The following CSMD1 variants were observed in gnomAD, a reference collection of about 807,000 sequenced individuals.
The protein encoded by CSMD1 is CUB and sushi domain-containing protein 1.
CSMD1 carries 213 observed loss-of-function variants against 417.5 expected under a neutral mutation model. That is an observed-to-expected ratio of 0.51 (90% CI 0.46 to 0.57). The LOEUF (loss-of-function observed/expected upper bound fraction) is 0.57. Ranked by LOEUF, CSMD1 falls within the 20% of genes least tolerant of loss-of-function variation. The pLI, the probability that CSMD1 is intolerant of heterozygous loss-of-function variation, is 0.00. For missense variants in CSMD1, 6,923 were observed against 4,529.7 expected (o/e 1.53, Z -15.17); for synonymous variants, 2,862 against 1,736.8 (o/e 1.65, Z -16.11).
chr8:4,344,001 C>T (rs897834125), intron 3 of CSMD1, among the ~76,000 whole-genome samples: 3 of 152,116 alleles, frequency 2.0e-5, no homozygotes, highest in Admixed American at 6.5e-5. Context: ...AATAATACCA[C>T]AAGCACTGTG....
intron 3 of CSMD1, among the ~76,000 whole-genome samples, chr8:4,082,813 G>A (rs558488634): frequency 7.7e-6 from 1 of 130,514 alleles, no homozygotes; most frequent in Non-Finnish European, 1.5e-5. Context: ...CCTTTCCTGT[G>A]TCCATGCATT....
At chr8:3,878,501 C>G (rs139048217) in intron 5 of CSMD1, among the ~76,000 whole-genome samples, 110 of 151,990 alleles carry the variant, frequency 7.2e-4, no homozygotes, top group Non-Finnish European at 1.3e-3. Context: ...CACAAGCTAG[C>G]TTTTTAATAT....
At chr8:4,530,146 C>T (rs1383957248) in intron 2 of CSMD1, among the ~76,000 whole-genome samples, 2 of 151,848 alleles carry the variant, frequency 1.3e-5, no homozygotes, top group Non-Finnish European at 2.9e-5. Flanking sequence ...ATCTCCTGAC[C>T]TTGTGATCTG....
chr8:2,978,576 G>A (rs1175475339), intron 55 of CSMD1, 36 bp downstream of exon 55: 1 of 1,509,748 alleles, frequency 6.6e-7, no homozygotes, highest in Non-Finnish European at 8.9e-7. Context: ...CCTTGCAGGG[G>A]TCTCTGCACA....
intron 60 of CSMD1, 55 bp downstream of exon 60, chr8:2,963,167 T>A (rs1425214657): frequency 1.9e-6 from 3 of 1,583,548 alleles, no homozygotes; most frequent in Non-Finnish European, 1.7e-6. Flanking sequence ...GCCCTGGTTA[T>A]CCGTCCCTGT....
intron 3 of CSMD1, among the ~76,000 whole-genome samples, chr8:4,133,953 T>A (rs1294388748): frequency 1.3e-5 from 2 of 152,182 alleles, no homozygotes; most frequent in African/African-American, 4.8e-5. Context: ...TTTCAGGTCA[T>A]GCAAACAAAC....
At chr8:4,614,315 A>G (rs1008101675) in intron 2 of CSMD1, among the ~76,000 whole-genome samples, 2 of 152,180 alleles carry the variant, frequency 1.3e-5, no homozygotes, top group African/African-American at 4.8e-5. Flanking sequence ...AACTCTGTAG[A>G]AAATCCTGTC....
At chr8:4,633,593 G>C (rs549038791) in intron 2 of CSMD1, among the ~76,000 whole-genome samples, 2 of 151,702 alleles carry the variant, frequency 1.3e-5, no homozygotes, top group Admixed American at 1.3e-4. Context: ...GTCTACCTCT[G>C]TCACCCAGGC....
intron 4 of CSMD1, among the ~76,000 whole-genome samples, chr8:4,025,166 G>A (rs918131998): frequency 6.6e-6 from 1 of 152,242 alleles, no homozygotes; most frequent in Non-Finnish European, 1.5e-5. Context: ...GAGCTCCTGT[G>A]AAGAAATGCA....
In CSMD1 at chr8:4,571,060, G is replaced by A. The variant is rs1456405336; in HGVS notation, c.302+66282C>T. Among the ~76,000 whole-genome samples the A allele has an allele frequency of 3.9e-5, 6 of 152,088 alleles. No homozygotes were observed. The East Asian group carries it at 1.2e-3, about 29-fold the overall frequency. On this transcript the variant is annotated intron_variant, in intron 2 of 69. Transcript: ENST00000635120. ...TTCTTCTTTATTAGTCTGGCTAGCA[G>A]TCTATCAATTTGTTAATCATTTCAG...
chr8:2,978,631 T>C lies in CSMD1; in HGVS notation c.8547A>G (p.Arg2849=). Reference sequence around the variant, plus strand: ...ACTTACCCAAACACTTGGGCAGGGATCGGTCCCATAAGCCATTTGCCATAC... The same window carrying C: ...ACTTACCCAAACACTTGGGCAGGGACCGGTCCCATAAGCCATTTGCCATAC... ...LTCMANGLWD[R]SLPKCLAISC... The change falls in exon 55 of 70, where the codon CGA becomes CGG. Residue 2849 remains arginine, a synonymous_variant. Transcript: ENST00000635120. 6.3e-7 allele frequency: 1 copy of C among 1,596,194 alleles called. No individual in the cohort carries two copies. The highest frequency in any genetic ancestry group is 8.5e-7 in the Non-Finnish European group (1 of 1,170,966).
chr8:4,596,396 C>T (rs1243058688), intron 2 of CSMD1, among the ~76,000 whole-genome samples: 5 of 152,230 alleles, frequency 3.3e-5, no homozygotes, highest in South Asian at 2.1e-4. Flanking sequence ...TAGACTGAAT[C>T]GTCAAAGACA....
chr8:3,172,968 G>C (rs1012148649), intron 37 of CSMD1, among the ~76,000 whole-genome samples: 1 of 152,168 alleles, frequency 6.6e-6, no homozygotes, highest in African/African-American at 2.4e-5. Context: ...TGAAATAACT[G>C]AGGTAATCCT....
intron 50 of CSMD1, among the ~76,000 whole-genome samples, chr8:3,032,788 A>G (rs1301510226): frequency 6.6e-6 from 1 of 152,040 alleles, no homozygotes; most frequent in Non-Finnish European, 1.5e-5. Context: ...CTTACTTCAG[A>G]GTCAAATGCT....
chr8:4,014,286 G>T (rs1334737231), intron 4 of CSMD1, among the ~76,000 whole-genome samples: 1 of 152,108 alleles, frequency 6.6e-6, no homozygotes, highest in Non-Finnish European at 1.5e-5. Context: ...ACTAATTATG[G>T]CATTGCGTGT....
At chr8:4,828,618 CCTTT>C (rs1277455605) in intron 1 of CSMD1, among the ~76,000 whole-genome samples, 1 of 152,092 alleles carries the variant, frequency 6.6e-6, no homozygotes, top group Non-Finnish European at 1.5e-5. Context: ...ATCTGGAATC[CCTTT>C]CTTTAAAACT....
At position 3,763,245 on chromosome 8, in the gene CSMD1, A is replaced by C. The variant is rs559930446; in HGVS notation, c.819-9203T>G. 5.9e-5 allele frequency among the ~76,000 whole-genome samples: 9 copies of C among 152,274 alleles called. No individual in the cohort carries two copies. The East Asian group carries it at 1.2e-3, about 20-fold the overall frequency. On this transcript the variant is annotated intron_variant, in intron 5 of 69. Coordinates refer to ENST00000635120, the MANE Select transcript of CSMD1 (RefSeq NM_033225.6). ...AACCCTCGATGTTATGATGCCAGCT[A>C]GGGTGCTTATACTTCGGATATTTTG...
chr8:4,818,565 G>T (rs188241655), intron 1 of CSMD1, among the ~76,000 whole-genome samples: 58 of 152,200 alleles, frequency 3.8e-4, no homozygotes, highest in African/African-American at 1.3e-3. Flanking sequence ...ACACACATGT[G>T]CACATATATT....
intron 10 of CSMD1, among the ~76,000 whole-genome samples, chr8:3,538,545 C>T (rs1213206085): frequency 2.0e-5 from 3 of 152,242 alleles, no homozygotes; most frequent in African/African-American, 7.2e-5. Context: ...CCTGCGATGC[C>T]GCACTTGAGC....
Sources: allele counts gnomAD v4.1 joint callset (sites outside exome capture counted in the v4.1 genomes callset), GRCh38; gene constraint gnomAD v4.1.1; transcripts MANE v1.5; gene names NCBI Gene and HGNC (gene_info 2026-07-23, HGNC 2026-07-21).